Variants in GABBR2 observed in about 807,000 individuals in gnomAD.
GABBR2 encodes G-protein coupled receptor 51.
GABBR2 carries 23 observed loss-of-function variants against 105.6 expected under a neutral mutation model. That is an observed-to-expected ratio of 0.22 (90% CI 0.16 to 0.31). GABBR2 has a LOEUF of 0.31. Ranked by LOEUF, GABBR2 falls within the 10% of genes least tolerant of loss-of-function variation. The probability of loss-of-function intolerance (pLI) is 1.00; values close to 1 mark genes in which losing one functional copy is unlikely to be tolerated. For synonymous variants in GABBR2, 478 were observed against 499.7 expected, an observed-to-expected ratio of 0.96 and a Z score of 0.58; for missense variants, 734 against 1,245.5, an observed-to-expected ratio of 0.59 and a Z score of 6.18.
intron 7 of GABBR2, among the ~76,000 whole-genome samples, chr9:98,436,555 G>C (rs866221434): frequency 2.5e-4 from 38 of 150,254 alleles, no homozygotes; most frequent in Admixed American, 6.0e-4. Context: ...ATAACACAAA[G>C]ATTAGAGACT....
intron 7 of GABBR2, among the ~76,000 whole-genome samples, chr9:98,423,702 A>T (rs977499561): frequency 5.9e-5 from 9 of 152,270 alleles, no homozygotes; most frequent in Admixed American, 5.2e-4. Context: ...CTGAATGGTA[A>T]TGCCTAGGTT....
intron 1 of GABBR2, among the ~76,000 whole-genome samples, chr9:98,602,186 G>C (rs1452787692): frequency 6.7e-6 from 1 of 148,722 alleles, no homozygotes; most frequent in Admixed American, 6.7e-5. Flanking sequence ...TTTTTTAATT[G>C]TTGGTGGCCG....
intron 7 of GABBR2, among the ~76,000 whole-genome samples, chr9:98,442,880 C>T (rs2491397): frequency 0.49 from 75,255 of 152,104 alleles, 19,374 homozygotes; most frequent in Middle Eastern, 0.66. Context: ...TGGCTGTCTT[C>T]AAATCTCCCC....
chr9:98,657,606 C>T (rs1173969765), intron 1 of GABBR2, among the ~76,000 whole-genome samples: 5 of 152,220 alleles, frequency 3.3e-5, no homozygotes, highest in Non-Finnish European at 5.9e-5. Flanking sequence ...GGGTGAGGGC[C>T]AACTCAGGTA....
chr9:98,524,268 A>G (rs1420892804), intron 3 of GABBR2, among the ~76,000 whole-genome samples: 1 of 152,224 alleles, frequency 6.6e-6, no homozygotes, highest in Non-Finnish European at 1.5e-5. Context: ...TAGGGCACCT[A>G]AAAACATGGA....
chr9:98,605,053 C>A (rs952395539), intron 1 of GABBR2, among the ~76,000 whole-genome samples: 1 of 152,220 alleles, frequency 6.6e-6, no homozygotes, highest in Non-Finnish European at 1.5e-5. Context: ...GACATGGAAG[C>A]TGCCATCAGC....
chr9:98,465,121 T>TAAAAAA (rs57747633), intron 6 of GABBR2, among the ~76,000 whole-genome samples: 1 of 21,978 alleles, frequency 4.6e-5, no homozygotes, highest in East Asian at 2.8e-3. Flanking sequence ...CAATAAATAC[T>TAAAAAA]AAAAAAAAAA....
intron 1 of GABBR2, among the ~76,000 whole-genome samples, chr9:98,649,683 G>T (rs1830078679): frequency 6.6e-6 from 1 of 152,170 alleles, no homozygotes; most frequent in Admixed American, 6.5e-5. Context: ...AAATATGCCT[G>T]TGTTCATGCC....
intron 16 of GABBR2, 142 bp downstream of exon 16, chr9:98,303,099 G>A: frequency 3.3e-6 from 2 of 609,468 alleles, no homozygotes; most frequent in South Asian, 2.4e-5. Flanking sequence ...GTCACCCCTG[G>A]CTCTCGCAGC....
At chr9:98,545,049 T>C (rs1657016439) in intron 2 of GABBR2, among the ~76,000 whole-genome samples, 1 of 152,252 alleles carries the variant, frequency 6.6e-6, no homozygotes, top group Admixed American at 6.5e-5. Context: ...TCCCCAAAAA[T>C]CCTTATCTAA....
chr9:98,433,539 T>C (rs1222903967), intron 7 of GABBR2, among the ~76,000 whole-genome samples: 5 of 152,222 alleles, frequency 3.3e-5, no homozygotes, highest in Non-Finnish European at 5.9e-5. Flanking sequence ...TATGTTTTTT[T>C]CTACATATTC....
chr9:98,508,534 C>T (rs535555090), intron 3 of GABBR2, among the ~76,000 whole-genome samples: 19 of 152,330 alleles, frequency 1.2e-4, no homozygotes, highest in Admixed American at 2.6e-4. Flanking sequence ...GGGTAACAGA[C>T]GGCACCTGGA....
intron 1 of GABBR2, among the ~76,000 whole-genome samples, chr9:98,600,905 T>G (rs1050613782): frequency 6.6e-6 from 1 of 152,158 alleles, no homozygotes; most frequent in African/African-American, 2.4e-5. Flanking sequence ...TTCAGAGTGA[T>G]CTCCCTAAAA....
chr9:98,503,120 G>A (rs945091020), intron 3 of GABBR2, among the ~76,000 whole-genome samples: 1 of 152,216 alleles, frequency 6.6e-6, no homozygotes, highest in Non-Finnish European at 1.5e-5. Context: ...TTCAGGGGCA[G>A]GCTCCTGGGA....
At position 98,660,312 on chromosome 9, in the gene GABBR2, T is replaced by C. The variant is rs376129751; in HGVS notation, c.321+48105A>G. Among the ~76,000 whole-genome samples, 39 of 152,354 alleles carry C rather than the reference T, an allele frequency of 2.6e-4. 1 individual carries two copies. The highest frequency in any genetic ancestry group is 1.7e-3 in the South Asian group (8 of 4,830). ...CTCAGATCACCCTCCAGAAAAGTTA[T>C]ATCAATTTACACAACACTTCCACCA... is the stretch of plus-strand genomic sequence containing the variant. On this transcript the variant is annotated intron_variant, in intron 1 of 18. Transcript: ENST00000259455.
At chr9:98,339,968 T>C (rs1425849839) in intron 13 of GABBR2, among the ~76,000 whole-genome samples, 1 of 152,094 alleles carries the variant, frequency 6.6e-6, no homozygotes, top group Non-Finnish European at 1.5e-5. Flanking sequence ...CATGGACATA[T>C]GATGCATTCT....
At position 98,325,283 on chromosome 9, in the gene GABBR2, CTTTTTTT is replaced by C. The variant is rs886288539; in HGVS notation, c.1894-14085_1894-14079del. Reference sequence around the variant, plus strand: ...TTCCCTTGGCTCTAGGACAGCAATTCTTTTTTTTTTTTTTTTTTTTTTTTTTGAGACA... The same window carrying C: ...TTCCCTTGGCTCTAGGACAGCAATTCTTTTTTTTTTTTTTTTTTTGAGACA... On this transcript the variant is annotated intron_variant, in intron 13 of 18. Coordinates refer to ENST00000259455, the MANE Select transcript of GABBR2 (RefSeq NM_005458.8). 2.1e-3 allele frequency among the ~76,000 whole-genome samples: 140 copies of C among 67,656 alleles called. 1 individual carries two copies. The South Asian group carries it at 0.03, about 15-fold the overall frequency. The allele number at this position is 67,656 out of a possible 152,430, so 44.4% of individuals were successfully genotyped here.
intron 7 of GABBR2, among the ~76,000 whole-genome samples, chr9:98,429,611 G>T (rs1825762459): frequency 6.6e-6 from 1 of 152,180 alleles, no homozygotes; most frequent in Non-Finnish European, 1.5e-5. Flanking sequence ...AAGGCATGGT[G>T]GTTAGGAAGA....
At chr9:98,536,215 G>C (rs1828177961) in intron 3 of GABBR2, among the ~76,000 whole-genome samples, 1 of 152,188 alleles carries the variant, frequency 6.6e-6, no homozygotes, top group Non-Finnish European at 1.5e-5. Flanking sequence ...GTCCCTGGGA[G>C]TGGCAGGATC....
Sources: allele counts gnomAD v4.1 joint callset (sites outside exome capture counted in the v4.1 genomes callset), GRCh38; gene constraint gnomAD v4.1.1; transcripts MANE v1.5; gene names NCBI Gene and HGNC (gene_info 2026-07-23, HGNC 2026-07-21).